TMTC2: variants seen among roughly 807,000 people sequenced by gnomAD.
TMTC2 encodes the protein transmembrane O-mannosyltransferase targeting cadherins 2.
In TMTC2, 43 loss-of-function variants were observed where a neutral mutation model predicts 82.4. The observed-to-expected ratio is 0.52, with a 90% CI of 0.41 to 0.67. TMTC2 has a LOEUF of 0.67. Ranked by LOEUF, TMTC2 falls within the 30% of genes least tolerant of loss-of-function variation. The pLI is 0.00. For synonymous variants in TMTC2, 408 were observed against 381.9 expected, an observed-to-expected ratio of 1.07 and a Z score of -0.80; for missense variants, 919 against 1,012.4, an observed-to-expected ratio of 0.91 and a Z score of 1.25.
rs1565818249 is a variant in TMTC2, at chr12:82,937,760, A to ATGTG, written c.1598+7216_1598+7217insGTGT. Among the ~76,000 whole-genome samples the ATGTG allele has an allele frequency of 7.9e-4, 14 of 17,692 alleles. 1 individual carries two copies. Among genetic ancestry groups the ATGTG allele is most frequent in the African/African-American group, 2.6e-3 (11 of 4,236 alleles). 11.6% of individuals were successfully genotyped at this position (17,692 alleles called of 152,430 possible). A position where few individuals can be genotyped will look rare whatever the true frequency, so the allele number is the denominator to read the frequency against. ...TGTGTGTGTGTGTGTGTATATATAT[A>ATGTG]TATATATATATATATATATATATAT... On this transcript the variant is annotated intron_variant, in intron 4 of 11. Coordinates refer to ENST00000321196, the MANE Select transcript of TMTC2 (RefSeq NM_152588.3).
At chr12:82,987,439 A>G (rs1317979780) in intron 8 of TMTC2, among the ~76,000 whole-genome samples, 4 of 141,580 alleles carry the variant, frequency 2.8e-5, no homozygotes, top group African/African-American at 1.1e-4. Flanking sequence ...AAAAAAAGAG[A>G]AAAAAAAAAA....
chr12:83,104,357 T>A (rs1370031548), intron 11 of TMTC2, among the ~76,000 whole-genome samples: 1 of 152,124 alleles, frequency 6.6e-6, no homozygotes. Context: ...CTAGTAGAGG[T>A]TCTCTGTAAG....
intron 11 of TMTC2, among the ~76,000 whole-genome samples, chr12:83,106,330 T>C (rs1439501546): frequency 6.6e-6 from 1 of 152,002 alleles, no homozygotes; most frequent in Non-Finnish European, 1.5e-5. Flanking sequence ...TGAAACCCCA[T>C]CTTTACTAAA....
intron 4 of TMTC2, among the ~76,000 whole-genome samples, chr12:82,956,970 C>G (rs1405358077): frequency 6.6e-6 from 1 of 152,070 alleles, no homozygotes; most frequent in Non-Finnish European, 1.5e-5. Flanking sequence ...CAATGTTAGA[C>G]AGATCATTGA....
chr12:82,941,469 A>C (rs1486602191), intron 4 of TMTC2, among the ~76,000 whole-genome samples: 4 of 152,224 alleles, frequency 2.6e-5, no homozygotes, highest in African/African-American at 9.6e-5. Context: ...TTAATGAGAT[A>C]ATAAACTAAT....
At chr12:82,768,570 A>G (rs1877110008) in intron 1 of TMTC2, among the ~76,000 whole-genome samples, 1 of 152,068 alleles carries the variant, frequency 6.6e-6, no homozygotes, top group South Asian at 2.1e-4. Context: ...ACATCCCACA[A>G]TGCTGGGGAG....
chr12:82,965,739 T>C lies in TMTC2; in HGVS notation c.1864T>C (p.Tyr622His). 1 of 1,613,776 alleles carries C rather than the reference T, an allele frequency of 6.2e-7. No homozygotes were observed. The highest frequency in any genetic ancestry group is 1.1e-5 in the South Asian group (1 of 91,070). ...LGKLYHEQGHYEEALSVYKEA... is the reference protein window; with the variant it reads ...LGKLYHEQGHHEEALSVYKEA... ...AAAGCTGTATCATGAGCAGGGACACTATGAGGTCTGGCCAATGCCTCTCTG... is the reference window on the plus strand; with the variant it reads ...AAAGCTGTATCATGAGCAGGGACACCATGAGGTCTGGCCAATGCCTCTCTG... Residue 622 changes from tyrosine (Y) to histidine (H), a missense_variant, in exon 6 of 12, where the codon TAT becomes CAT. Tyr to His is a moderately conservative substitution (Grantham distance 83). Coordinates refer to ENST00000321196, the MANE Select transcript of TMTC2 (RefSeq NM_152588.3).
chr12:82,899,725 G>GAA (rs1340425022), intron 3 of TMTC2, among the ~76,000 whole-genome samples: 3 of 136,980 alleles, frequency 2.2e-5, no homozygotes, highest in Non-Finnish European at 3.1e-5. Flanking sequence ...ATATATATAA[G>GAA]AATATATATA....
intron 1 of TMTC2, among the ~76,000 whole-genome samples, chr12:82,832,618 T>G (rs1869815750): frequency 6.6e-6 from 1 of 152,190 alleles, no homozygotes; most frequent in Non-Finnish European, 1.5e-5. Context: ...GACGTTTTAT[T>G]AAACTCATTA....
intron 1 of TMTC2, among the ~76,000 whole-genome samples, chr12:82,820,850 A>G (rs1869058414): frequency 6.6e-6 from 1 of 152,028 alleles, no homozygotes; most frequent in African/African-American, 2.4e-5. Context: ...CCTGGATTCT[A>G]TGTTTTTACA....
chr12:82,786,335 G>A (rs1878173831), intron 1 of TMTC2, among the ~76,000 whole-genome samples: 2 of 151,942 alleles, frequency 1.3e-5, no homozygotes, highest in Non-Finnish European at 2.9e-5. Context: ...TTTAAATAAT[G>A]GTATAAGGCA....
chr12:82,751,355 G>A (rs1213581274), intron 1 of TMTC2, among the ~76,000 whole-genome samples: 1 of 151,490 alleles, frequency 6.6e-6, no homozygotes, highest in African/African-American at 2.4e-5. Context: ...CATGGACACA[G>A]GAAGGGGAGC....
intron 8 of TMTC2, among the ~76,000 whole-genome samples, chr12:83,013,203 GGA>G (rs879351287): frequency 2.0e-5 from 3 of 151,924 alleles, no homozygotes; most frequent in Non-Finnish European, 4.4e-5. Context: ...GGAAATGTGA[GGA>G]TTTTTTAATA....
Position 82,687,798 on chromosome 12 carries a change from A to T in TMTC2, c.83+129A>T, listed in dbSNP as rs992560346. The T allele has an allele frequency of 6.1e-5, 53 of 873,234 alleles. No homozygotes were observed. The Admixed American group carries it at 1.1e-3, about 17-fold the overall frequency. The allele number at this position is 873,234 out of a possible 1,614,324, so 54.1% of individuals were successfully genotyped here. On this transcript the variant is annotated intron_variant, in intron 1 of 11. Transcript: ENST00000321196. ...TTCAGCACCTGATGGTTTAGGCGAC[A>T]CGTAAACATTAACACCTAAATCAAA...
intron 1 of TMTC2, chr12:82,690,419 T>G (rs1024651888): frequency 7.1e-6 from 7 of 984,420 alleles, no homozygotes; most frequent in Non-Finnish European, 8.4e-6. Flanking sequence ...AAATCATTAT[T>G]GCTGTGGTAC....
intron 11 of TMTC2, among the ~76,000 whole-genome samples, chr12:83,097,876 G>A (rs1233480402): frequency 6.6e-6 from 1 of 152,324 alleles, no homozygotes; most frequent in South Asian, 2.1e-4. Context: ...CAGAATGCCA[G>A]TGTTGGAAGT....
intron 1 of TMTC2, among the ~76,000 whole-genome samples, chr12:82,701,304 C>T (rs916434252): frequency 2.0e-5 from 3 of 152,118 alleles, no homozygotes; most frequent in Admixed American, 2.0e-4. Flanking sequence ...CTCAGGAATA[C>T]TTTTATGTAC....
At chr12:82,847,651 T>C (rs944026277) in intron 1 of TMTC2, among the ~76,000 whole-genome samples, 55 of 152,106 alleles carry the variant, frequency 3.6e-4, no homozygotes, top group Admixed American at 1.1e-3. Flanking sequence ...TGCAGGGACA[T>C]GGATGAAGCT....
At chr12:82,983,057 A>G (rs990557161) in intron 7 of TMTC2, among the ~76,000 whole-genome samples, 3 of 152,066 alleles carry the variant, frequency 2.0e-5, no homozygotes, top group Non-Finnish European at 4.4e-5. Context: ...GAATGGGGCA[A>G]TGTGTTAAGG....
Sources: allele counts gnomAD v4.1 joint callset (sites outside exome capture counted in the v4.1 genomes callset), GRCh38; gene constraint gnomAD v4.1.1; transcripts MANE v1.5; gene names NCBI Gene and HGNC (gene_info 2026-07-23, HGNC 2026-07-21).